The following NR3C2 variants were observed in gnomAD, a reference collection of about 807,000 sequenced individuals.
NR3C2 encodes the protein nuclear receptor subfamily 3 group C member 2.
In NR3C2, 15 loss-of-function variants were observed where a neutral mutation model predicts 86.4. The ratio of observed to expected loss-of-function variants is 0.17; its 90% CI spans 0.12 to 0.27. The LOEUF is 0.27. NR3C2 is among the 10% of genes least tolerant of loss of function. The pLI, the probability that NR3C2 is intolerant of heterozygous loss-of-function variation, is 1.00. For synonymous variants in NR3C2, 458 were observed against 450.5 expected (o/e 1.02, Z -0.21); for missense variants, 960 against 1,195.6 (o/e 0.80, Z 2.91).
rs1579172116 is a variant in NR3C2 at position 148,334,025 on chromosome 4, T to C, written c.1758-73908A>G. Among the ~76,000 whole-genome samples the C allele has an allele frequency of 2.0e-5, 3 of 152,270 alleles. No homozygotes were observed. The East Asian group carries it at 5.8e-4, about 29-fold the overall frequency. ...GATAATTAGAAAACGAATTGTGAAG[T>C]TGAAATAACTTTGGAGAATATGACA... On this transcript the variant is annotated intron_variant, in intron 2 of 8. Coordinates refer to ENST00000358102, the MANE Select transcript of NR3C2 (RefSeq NM_000901.5).
intron 2 of NR3C2, among the ~76,000 whole-genome samples, chr4:148,332,431 C>T (rs772065318): frequency 3.9e-5 from 6 of 151,918 alleles, no homozygotes; most frequent in African/African-American, 7.3e-5. Context: ...GTCTTTTTTC[C>T]CTAATACTTA....
chr4:148,362,077 A>G (rs1745865883), intron 2 of NR3C2, among the ~76,000 whole-genome samples: 1 of 152,134 alleles, frequency 6.6e-6, no homozygotes, highest in Non-Finnish European at 1.5e-5. Context: ...ACCTCAAGTG[A>G]TCCACAGGCC....
chr4:148,218,662 A>G lies in NR3C2; in HGVS notation c.1898-23800T>C, dbSNP rs554292140. Among the ~76,000 whole-genome samples the G allele has an allele frequency of 2.0e-5, 3 of 152,294 alleles. No homozygotes were observed. The East Asian group carries it at 5.8e-4, about 29-fold the overall frequency. On this transcript the variant is annotated intron_variant, in intron 3 of 8. Transcript: ENST00000358102. ...TGCCCTAAAAAGGTCTCTTCTGCCCATCTGCAGTTAATTCCTGTTCCCACT... is the reference window on the plus strand; with the variant it reads ...TGCCCTAAAAAGGTCTCTTCTGCCCGTCTGCAGTTAATTCCTGTTCCCACT...
chr4:148,204,028 C>T (rs1364102575), intron 3 of NR3C2, among the ~76,000 whole-genome samples: 2 of 152,050 alleles, frequency 1.3e-5, no homozygotes, highest in Non-Finnish European at 2.9e-5. Context: ...AGAGTTCTTC[C>T]CATGTGGATA....
chr4:148,189,466 T>A (rs188737841), intron 4 of NR3C2, among the ~76,000 whole-genome samples: 130 of 152,340 alleles, frequency 8.5e-4, no homozygotes, highest in Non-Finnish European at 1.6e-3. Flanking sequence ...AATTTTAGCA[T>A]CTATGTGCAT....
At chr4:148,262,159 T>C (rs2149874499) in intron 2 of NR3C2, among the ~76,000 whole-genome samples, 1 of 152,362 alleles carries the variant, frequency 6.6e-6, no homozygotes, top group African/African-American at 2.4e-5. Flanking sequence ...AGAATATAAC[T>C]TAAAATCATC....
chr4:148,186,165 A>C (rs1456597037), intron 4 of NR3C2, among the ~76,000 whole-genome samples: 1 of 152,232 alleles, frequency 6.6e-6, no homozygotes, highest in Non-Finnish European at 1.5e-5. Context: ...TCCTTGTCAA[A>C]AAAAATAACA....
intron 4 of NR3C2, among the ~76,000 whole-genome samples, chr4:148,158,898 A>T (rs1026640528): frequency 1.3e-5 from 2 of 152,204 alleles, no homozygotes; most frequent in Non-Finnish European, 2.9e-5. Flanking sequence ...GATTTTGTGA[A>T]TATATGTAGG....
At chr4:148,157,451 C>A (rs1471964297) in intron 4 of NR3C2, among the ~76,000 whole-genome samples, 3 of 151,584 alleles carry the variant, frequency 2.0e-5, no homozygotes, top group Admixed American at 1.3e-4. Context: ...GAAACAGAGA[C>A]CAGAAAGTTT....
chr4:148,300,694 T>C (rs1408572921), intron 2 of NR3C2, among the ~76,000 whole-genome samples: 2 of 149,544 alleles, frequency 1.3e-5, no homozygotes, highest in African/African-American at 4.9e-5. Context: ...TGCCTCAGCC[T>C]CCCAAGTAGC....
At chr4:148,102,728 T>G (rs1731595041) in intron 8 of NR3C2, among the ~76,000 whole-genome samples, 1 of 152,182 alleles carries the variant, frequency 6.6e-6, no homozygotes, top group East Asian at 1.9e-4. Flanking sequence ...GACAGCACCA[T>G]TCAGCACAAC....
At chr4:148,444,895 TCCGCAGCG>T, upstream of NR3C2, 1 of 984,632 alleles carries the variant, frequency 1.0e-6, no homozygotes, top group Non-Finnish European at 1.2e-6. Flanking sequence ...CGCCCGCCGC[TCCGCAGCG>T]CCACTCTCCG....
chr4:148,407,186 T>G (rs1238677098), intron 2 of NR3C2, among the ~76,000 whole-genome samples: 1 of 152,112 alleles, frequency 6.6e-6, no homozygotes, highest in Non-Finnish European at 1.5e-5. Context: ...GAGCCAGAAT[T>G]CAAACCCAAG....
intron 8 of NR3C2, among the ~76,000 whole-genome samples, chr4:148,084,145 A>G (rs995581062): frequency 6.6e-6 from 1 of 152,136 alleles, no homozygotes; most frequent in Non-Finnish European, 1.5e-5. Context: ...AGACAGGCCA[A>G]CAAATTCAGG....
At position 148,283,573 on chromosome 4, in the gene NR3C2, T is replaced by C. The variant is rs1012243443; in HGVS notation, c.1758-23456A>G. On this transcript the variant is annotated intron_variant, in intron 2 of 8. Transcript: ENST00000358102. ...AAACAACAATCATCTGAACCTGAGG[T>C]TGTTTTCAGTTGAACTTCATTTATA... Among the ~76,000 whole-genome samples, 15 of 152,140 alleles carry C rather than the reference T, an allele frequency of 9.9e-5. 1 individual carries two copies. Among genetic ancestry groups the C allele is most frequent in the Admixed American group, 9.2e-4 (14 of 15,280 alleles).
chr4:148,118,080 A>T lies in NR3C2; in HGVS notation c.2641+2078T>A, dbSNP rs1032978782. Among the ~76,000 whole-genome samples the T allele has an allele frequency of 5.3e-5, 8 of 152,004 alleles. No homozygotes were observed. The East Asian group carries it at 1.5e-3, about 29-fold the overall frequency. On this transcript the variant is annotated intron_variant, in intron 7 of 8. Coordinates refer to ENST00000358102, the MANE Select transcript of NR3C2 (RefSeq NM_000901.5). ...CTGGGTCTCGCCCTCATCTGATGGG[A>T]GCTTCCTCAAATTCTTTCCCCTCTG... is the stretch of plus-strand genomic sequence containing the variant.
intron 4 of NR3C2, among the ~76,000 whole-genome samples, chr4:148,162,761 G>A (rs1333435245): frequency 7.9e-5 from 12 of 152,124 alleles, no homozygotes; most frequent in Non-Finnish European, 1.5e-5. Context: ...CAGAGAGGTG[G>A]CTCGTGCCTC....
At chr4:148,388,247 C>G (rs1747366391) in intron 2 of NR3C2, among the ~76,000 whole-genome samples, 1 of 152,132 alleles carries the variant, frequency 6.6e-6, no homozygotes, top group South Asian at 2.1e-4. Context: ...CATGCTACAT[C>G]CAAAATGCCT....
chr4:148,404,882 A>T (rs1409033235), intron 2 of NR3C2, among the ~76,000 whole-genome samples: 1 of 152,190 alleles, frequency 6.6e-6, no homozygotes, highest in Non-Finnish European at 1.5e-5. Context: ...ACTTAAAATA[A>T]CCAGAAATAA....
Sources: allele counts gnomAD v4.1 joint callset (sites outside exome capture counted in the v4.1 genomes callset), GRCh38; gene constraint gnomAD v4.1.1; transcripts MANE v1.5; gene names NCBI Gene and HGNC (gene_info 2026-07-23, HGNC 2026-07-21).